HSP90AA1: variants seen among roughly 807,000 people sequenced by gnomAD.
HSP90AA1 encodes the protein heat shock protein HSP 90-alpha.
HSP90AA1 carries 18 observed loss-of-function variants against 73.3 expected under a neutral mutation model. The ratio of observed to expected loss-of-function variants is 0.25; its 90% CI spans 0.17 to 0.36. HSP90AA1 has a LOEUF of 0.36. Among genes scored for constraint, HSP90AA1 ranks in the 10% least tolerant of loss-of-function variants. The probability of loss-of-function intolerance (pLI) is 1.00; values close to 1 mark genes in which losing one functional copy is unlikely to be tolerated. For missense variants in HSP90AA1, 704 were observed against 874.2 expected, an observed-to-expected ratio of 0.81 and a Z score of 2.45; for synonymous variants, 477 against 296.9, an observed-to-expected ratio of 1.61 and a Z score of -6.24.
At chr14:102,094,846 C>A (rs754546310) in intron 2 of HSP90AA1, among the ~76,000 whole-genome samples, 1 of 152,100 alleles carries the variant, frequency 6.6e-6, no homozygotes, top group African/African-American at 2.4e-5. Context: ...CCACTCTGAC[C>A]GTGGTGTGTA....
intron 1 of HSP90AA1, among the ~76,000 whole-genome samples, chr14:102,105,174 T>C (rs1595670394): frequency 8.0e-6 from 1 of 125,170 alleles, no homozygotes; most frequent in African/African-American, 3.1e-5. Context: ...GCCACTGCAC[T>C]CCAGCCTGGG....
In HSP90AA1 at chr14:102,083,200, A is replaced by C. The variant is rs916406294; in HGVS notation, c.1589T>G (p.Val530Gly). 3 of 1,613,892 alleles carry C rather than the reference A, an allele frequency of 1.9e-6. No homozygotes were observed. In the African/African-American group the frequency reaches 4.0e-5, roughly 22 times the overall value. ...YMIEPIDEYCVQQLKEFEGKT... is the reference protein window; with the variant it reads ...YMIEPIDEYCGQQLKEFEGKT... ...CCCCTCAAATTCCTTCAGCTGTTGG[A>C]CACAGTACTCATCAATGGGCTCAAT... The change falls in exon 9 of 11, where the codon GTC (valine) becomes GGC (glycine). Residue 530 changes from valine (V) to glycine (G), a missense_variant. Transcript: ENST00000216281.
chr14:102,135,259 T>G (rs2049974164), intron 1 of HSP90AA1, among the ~76,000 whole-genome samples: 1 of 151,238 alleles, frequency 6.6e-6, no homozygotes, highest in Non-Finnish European at 1.5e-5. Context: ...AAACACAGGG[T>G]GCTGATTGGT....
upstream of HSP90AA1, among the ~76,000 whole-genome samples, chr14:102,088,592 G>A (rs1440432033): frequency 6.6e-6 from 1 of 152,218 alleles, no homozygotes; most frequent in African/African-American, 2.4e-5. Flanking sequence ...GTGACCGGGT[G>A]TGTGCCTGGT....
intron 1 of HSP90AA1, among the ~76,000 whole-genome samples, chr14:102,104,677 A>C (rs11160669): frequency 0.72 from 109,686 of 151,944 alleles, 43,704 homozygotes; most frequent in East Asian, 0.92. Flanking sequence ...TGTACTCTTG[A>C]ATACCAGAAC....
chr14:102,082,981 G>C (rs777576819), intron 9 of HSP90AA1, 53 bp downstream of exon 9: 3 of 1,565,716 alleles, frequency 1.9e-6, no homozygotes, highest in African/African-American at 2.7e-5. Context: ...GTATGACTAA[G>C]CTTGAAAGCA....
chr14:102,138,018 A>G (rs1475310958), intron 1 of HSP90AA1, among the ~76,000 whole-genome samples: 1 of 152,032 alleles, frequency 6.6e-6, no homozygotes, highest in Non-Finnish European at 1.5e-5. Flanking sequence ...TCTAAGAAAA[A>G]AAAAACAAAA....
At chr14:102,113,393 G>C (rs1033463704) in intron 1 of HSP90AA1, among the ~76,000 whole-genome samples, 1 of 151,422 alleles carries the variant, frequency 6.6e-6, no homozygotes, top group African/African-American at 2.4e-5. Flanking sequence ...TTTTGAGACA[G>C]AGTCTCACTA....
At chr14:102,087,200 C>G (rs2049266305), upstream of HSP90AA1, 3 of 981,174 alleles carry the variant, frequency 3.1e-6, no homozygotes, top group Non-Finnish European at 2.4e-6. Flanking sequence ...ACCCCGCCCC[C>G]GCGCCTTCCT....
At chr14:102,109,401 C>T (rs756098084) in intron 1 of HSP90AA1, among the ~76,000 whole-genome samples, 11 of 152,066 alleles carry the variant, frequency 7.2e-5, no homozygotes, top group East Asian at 1.9e-4. Context: ...GGGAGGTAAC[C>T]GAATCATGGA....
rs140417925 is a variant in HSP90AA1, at chr14:102,081,817, A to G, written c.2094T>C (p.Ile698=). The part of the protein sequence containing the change: ...IYRMIKLGLG[I]DEDDPTADDT... ...CATCAGCAGTAGGGTCATCTTCATC[A>G]ATACCTGTTTCCAAAATAAAATCCT... Residue 698 remains isoleucine, a synonymous_variant, in exon 11 of 11, where the codon ATT becomes ATC. Transcript: ENST00000216281. 28 of 1,421,348 alleles carry G rather than the reference A, an allele frequency of 2.0e-5. No homozygotes were observed. The highest frequency in any genetic ancestry group is 5.0e-6 in the Non-Finnish European group (5 of 1,004,800). The allele number at this position is 1,421,348 out of a possible 1,614,324, so 88.0% of individuals were successfully genotyped here.
rs2049175783 is a variant in HSP90AA1, at chr14:102,084,514, T to C, written c.1032A>G (p.Pro344=). The change falls in exon 6 of 11, where the codon CCA becomes CCG. Residue 344 remains proline, a synonymous_variant. Coordinates refer to ENST00000216281, the MANE Select transcript of HSP90AA1 (RefSeq NM_005348.4). ...QLEFRALLFV[P]RRAPFDLFEN... ...CAAACAGATCAAAAGGAGCACGTCGTGGGACAAATAGAAGGGCTCTGAATT... is the reference window on the plus strand; with the variant it reads ...CAAACAGATCAAAAGGAGCACGTCGCGGGACAAATAGAAGGGCTCTGAATT... 1 of 1,614,226 alleles carries C rather than the reference T, an allele frequency of 6.2e-7. No homozygotes were observed. Among genetic ancestry groups the C allele is most frequent in the East Asian group, 2.2e-5 (1 of 44,886 alleles).
rs573002576 is a variant in HSP90AA1 at position 102,115,514 on chromosome 14, C to G, written c.156-13429G>C. ...AAATTGTTCTCTGTTGCGCTTGTAACAGTTTTACACCAACAGCAATAATAT... is the reference window on the plus strand; with the variant it reads ...AAATTGTTCTCTGTTGCGCTTGTAAGAGTTTTACACCAACAGCAATAATAT... On this transcript the variant is annotated intron_variant, in intron 1 of 11. Transcript: ENST00000334701. 2.6e-5 allele frequency among the ~76,000 whole-genome samples: 4 copies of G among 152,244 alleles called. No individual in the cohort carries two copies. The South Asian group carries it at 8.3e-4, about 32-fold the overall frequency.
chr14:102,123,872 C>T (rs2049809314), intron 1 of HSP90AA1, among the ~76,000 whole-genome samples: 1 of 152,002 alleles, frequency 6.6e-6, no homozygotes, highest in African/African-American at 2.4e-5. Context: ...GTAAACATGG[C>T]TTACTACAGC....
chr14:102,102,111 G>A, intron 1 of HSP90AA1: 1 of 1,597,150 alleles, frequency 6.3e-7, no homozygotes, highest in Non-Finnish European at 8.6e-7. Flanking sequence ...CAATCTTCTG[G>A]ACTTCCAAAC....
upstream of HSP90AA1, chr14:102,087,297 G>A (rs748107769): frequency 2.9e-4 from 120 of 420,590 alleles, no homozygotes; most frequent in Non-Finnish European, 3.6e-4. Context: ...CCCCCGCGCC[G>A]GCCTCAATGC....
In HSP90AA1 at chr14:102,084,745, T is replaced by G. The variant is rs376171723; in HGVS notation, c.917A>C (p.Asn306Thr). Residue 306 changes from asparagine (N) to threonine (T), a missense_variant, in exon 5 of 11, where the codon AAT (asparagine) becomes ACT (threonine). Physicochemically the swap from Asn to Thr is moderately conservative, Grantham distance 65. Transcript: ENST00000216281. Reference sequence around the variant, plus strand: ...CTTATAGAATTCTCCGTACTCCTCATTAGTAATATCGTCGGGATTTCTGGT... The same window carrying G: ...CTTATAGAATTCTCCGTACTCCTCAGTAGTAATATCGTCGGGATTTCTGGT... ...IWTRNPDDIT[N>T]EEYGEFYKSL... 5 of 1,614,080 alleles carry G rather than the reference T, an allele frequency of 3.1e-6. No homozygotes were observed. The African/African-American group carries it at 6.7e-5, about 22-fold the overall frequency.
intron 1 of HSP90AA1, among the ~76,000 whole-genome samples, chr14:102,136,493 C>T (rs1322251705): frequency 7.6e-6 from 1 of 131,690 alleles, no homozygotes; most frequent in African/African-American, 2.9e-5. Flanking sequence ...CGCTTGAACC[C>T]GGGAGGCAGA....
At chr14:102,084,136 C>T in intron 6 of HSP90AA1, 153 bp from the exon 7 acceptor site, 1 of 745,798 alleles carries the variant, frequency 1.3e-6, no homozygotes, top group Admixed American at 2.1e-5. Flanking sequence ...GTGGCGCAAT[C>T]TCCACTCACT....
Sources: allele counts gnomAD v4.1 joint callset (sites outside exome capture counted in the v4.1 genomes callset), GRCh38; gene constraint gnomAD v4.1.1; transcripts MANE v1.5; gene names NCBI Gene and HGNC (gene_info 2026-07-23, HGNC 2026-07-21).